TMEM200A: variants seen among roughly 807,000 people sequenced by gnomAD.
TMEM200A encodes transmembrane protein 200A.
TMEM200A carries 12 observed loss-of-function variants against 24.3 expected under a neutral mutation model. The observed-to-expected ratio is 0.49, with a 90% CI of 0.32 to 0.80. TMEM200A has a LOEUF of 0.80. Ranked by LOEUF, TMEM200A falls within the 30% of genes least tolerant of loss-of-function variation. TMEM200A has a pLI of 0.04. For missense variants in TMEM200A, 545 were observed against 614.4 expected (o/e 0.89, Z 1.19); for synonymous variants, 224 against 224.4 (o/e 1.00, Z 0.02).
At position 130,441,766 on chromosome 6, in the gene TMEM200A, T is replaced by A. The variant is rs139956902; in HGVS notation, c.1344T>A (p.Val448=). ...DPMDRLLVPQ[V]AIKKDFTNKE... ...TGGATAGGTTGCTTGTGCCCCAAGT[T>A]GCCATCAAAAAGGACTTTACCAATA... is the stretch of plus-strand genomic sequence containing the variant. Residue 448 remains valine, a synonymous_variant, in exon 3 of 3, where the codon GTT becomes GTA. Transcript: ENST00000296978. The A allele has an allele frequency of 1.3e-4, 216 of 1,613,940 alleles. 1 individual carries two copies. The highest frequency in any genetic ancestry group is 1.7e-4 in the Non-Finnish European group (206 of 1,179,974).
intron 2 of TMEM200A, among the ~76,000 whole-genome samples, chr6:130,393,163 A>T (rs1375991206): frequency 6.6e-6 from 1 of 152,220 alleles, no homozygotes; most frequent in African/African-American, 2.4e-5. Context: ...AAGAGAAGCT[A>T]AAAGCTGGGA....
intron 2 of TMEM200A, among the ~76,000 whole-genome samples, chr6:130,425,135 G>A (rs1161934051): frequency 1.3e-5 from 2 of 152,082 alleles, no homozygotes; most frequent in Admixed American, 6.6e-5. Context: ...GAGCACAGAC[G>A]ATGTTGGATT....
intron 2 of TMEM200A, among the ~76,000 whole-genome samples, chr6:130,425,043 T>C (rs984455094): frequency 6.6e-6 from 1 of 152,090 alleles, no homozygotes; most frequent in African/African-American, 2.4e-5. Context: ...TTCTGACCGT[T>C]CTCTGTGCCC....
At chr6:130,394,905 A>C (rs758138489) in intron 2 of TMEM200A, among the ~76,000 whole-genome samples, 1 of 152,170 alleles carries the variant, frequency 6.6e-6, no homozygotes, top group African/African-American at 2.4e-5. Flanking sequence ...ATGAAAGTTC[A>C]TGTGATTATT....
intron 1 of TMEM200A, among the ~76,000 whole-genome samples, chr6:130,370,555 C>T (rs1324000320): frequency 6.6e-6 from 1 of 152,132 alleles, no homozygotes; most frequent in African/African-American, 2.4e-5. Flanking sequence ...CAGCCCTCTG[C>T]ACAATGATCT....
At chr6:130,375,517 A>G (rs1006405742) in intron 1 of TMEM200A, among the ~76,000 whole-genome samples, 9 of 152,224 alleles carry the variant, frequency 5.9e-5, no homozygotes, top group African/African-American at 2.2e-4. Context: ...CACAAACAGG[A>G]AACATATAAA....
At chr6:130,415,668 CAT>C (rs752997372) in intron 2 of TMEM200A, among the ~76,000 whole-genome samples, 1 of 152,120 alleles carries the variant, frequency 6.6e-6, no homozygotes, top group Non-Finnish European at 1.5e-5. Context: ...CCTCTACCCA[CAT>C]GTCATGAAAC....
intron 2 of TMEM200A, among the ~76,000 whole-genome samples, chr6:130,400,676 A>G (rs892926297): frequency 6.6e-6 from 1 of 152,006 alleles, no homozygotes; most frequent in African/African-American, 2.4e-5. Flanking sequence ...TTGTGACCTA[A>G]GGTTTTTGTA....
In TMEM200A at chr6:130,440,697, A is replaced by G; in HGVS notation, c.275A>G (p.Asp92Gly). ...TGGCCCCAAAAAGAACATTTTATTG[A>G]TGCTGAAACAACACTGTCAACAAAT... ...GYWPQKEHFI[D>G]AETTLSTNET... Residue 92 changes from aspartate (D) to glycine (G), a missense_variant, in exon 3 of 3, where the codon GAT becomes GGT. Coordinates refer to ENST00000296978, the MANE Select transcript of TMEM200A (RefSeq NM_001258277.2). 1.9e-6 allele frequency: 3 copies of G among 1,614,098 alleles called. No homozygotes were observed. The highest frequency in any genetic ancestry group is 2.5e-6 in the Non-Finnish European group (3 of 1,179,972).
intron 2 of TMEM200A, among the ~76,000 whole-genome samples, chr6:130,418,513 A>G (rs957873075): frequency 7.2e-5 from 11 of 152,172 alleles, no homozygotes; most frequent in Non-Finnish European, 1.6e-4. Flanking sequence ...GCAACCTGTG[A>G]GGAAGGGAGG....
At chr6:130,388,318 A>T (rs1463693886) in intron 2 of TMEM200A, among the ~76,000 whole-genome samples, 1 of 152,244 alleles carries the variant, frequency 6.6e-6, no homozygotes, top group African/African-American at 2.4e-5. Context: ...TGAATAACCA[A>T]TTAAAAAGAA....
At chr6:130,365,815 C>A (rs1441937202), upstream of TMEM200A, 38 of 985,480 alleles carry the variant, frequency 3.9e-5, no homozygotes, top group Non-Finnish European at 4.1e-5. Flanking sequence ...CCGGCCTGGG[C>A]TCCTGCAGAG....
chr6:130,400,966 C>G (rs1779070071), intron 2 of TMEM200A, among the ~76,000 whole-genome samples: 1 of 152,028 alleles, frequency 6.6e-6, no homozygotes, highest in Non-Finnish European at 1.5e-5. Flanking sequence ...GACCTTACAT[C>G]TAGGTCTGAA....
At chr6:130,373,635 G>T (rs899111170) in intron 1 of TMEM200A, among the ~76,000 whole-genome samples, 1 of 152,092 alleles carries the variant, frequency 6.6e-6, no homozygotes, top group African/African-American at 2.4e-5. Context: ...GCACTTTGAT[G>T]AATCTTTCTT....
At chr6:130,390,751 C>G (rs1022181602) in intron 2 of TMEM200A, among the ~76,000 whole-genome samples, 4 of 152,158 alleles carry the variant, frequency 2.6e-5, no homozygotes, top group South Asian at 4.1e-4. Flanking sequence ...ATTAGCTTGG[C>G]AAATTGCTCC....
intron 1 of TMEM200A, among the ~76,000 whole-genome samples, chr6:130,379,917 G>A (rs1778555672): frequency 6.6e-6 from 1 of 152,170 alleles, no homozygotes; most frequent in Admixed American, 6.5e-5. Context: ...TGGATAGAGA[G>A]CATACCGAGA....
chr6:130,400,016 C>T (rs1779045254), intron 2 of TMEM200A, among the ~76,000 whole-genome samples: 1 of 151,856 alleles, frequency 6.6e-6, no homozygotes, highest in South Asian at 2.1e-4. Flanking sequence ...GCTGTTAATG[C>T]ATTCCTTTTT....
chr6:130,401,525 T>G (rs1779086844), intron 2 of TMEM200A, among the ~76,000 whole-genome samples: 1 of 151,700 alleles, frequency 6.6e-6, no homozygotes, highest in African/African-American at 2.4e-5. Flanking sequence ...TTTACTTTTT[T>G]GTCTTTTCTT....
intron 1 of TMEM200A, among the ~76,000 whole-genome samples, chr6:130,372,403 G>T (rs1416359545): frequency 6.6e-6 from 1 of 152,046 alleles, no homozygotes; most frequent in Non-Finnish European, 1.5e-5. Flanking sequence ...CATTATGCAG[G>T]GTAGATACGT....
Sources: gnomAD v4.1 joint callset for allele counts (sites outside exome capture counted in the v4.1 genomes callset) on GRCh38, gnomAD v4.1.1 for gene constraint, MANE v1.5 for transcripts, NCBI Gene and HGNC (gene_info 2026-07-23, HGNC 2026-07-21) for gene names.